DNM1: variants seen among roughly 807,000 people sequenced by gnomAD.
DNM1 encodes the protein dynamin 1.
DNM1 carries 29 observed loss-of-function variants against 104.6 expected under a neutral mutation model. That is an observed-to-expected ratio of 0.28 (90% CI 0.21 to 0.38). DNM1 has a LOEUF of 0.38. DNM1 is among the 10% of genes least tolerant of loss of function. The pLI is 1.00. For synonymous variants in DNM1, 445 were observed against 475.8 expected (o/e 0.94, Z 0.84); for missense variants, 640 against 1,189.4 (o/e 0.54, Z 6.79).
At chr9:128,214,937 TAGGGGACCCTTAAACAG>T (rs1290254688) in intron 1 of DNM1, among the ~76,000 whole-genome samples, 1 of 152,178 alleles carries the variant, frequency 6.6e-6, no homozygotes, top group East Asian at 1.9e-4. Flanking sequence ...GAGGGCCACC[TAGGGGACCCTTAAACAG>T]AGGGCTAAAG....
rs1284219386 is a variant in DNM1 at position 128,245,713 on chromosome 9, ACACACATCCACAAAGTGTG to A, written c.1672-668_1672-650del. ...AAACATGTAGGCTCGCACAATTGCC[ACACACATCCACAAAGTGTG>A]CACACATCCACACTGAGATGCAGAC... is the stretch of plus-strand genomic sequence containing the variant. On this transcript the variant is annotated intron_variant, in intron 15 of 21. Transcript: ENST00000372923. This position sits in a 1 kb window ranked among gnomAD's most constrained non-coding sequence, Gnocchi z 5.2. Among the ~76,000 whole-genome samples, 1 of 152,216 alleles carries A rather than the reference ACACACATCCACAAAGTGTG, an allele frequency of 6.6e-6. No individual in the cohort carries two copies. Among genetic ancestry groups the A allele is most frequent in the Non-Finnish European group, 1.5e-5 (1 of 68,024 alleles).
chr9:128,245,987 C>T lies in DNM1; in HGVS notation c.1672-407C>T, dbSNP rs182909156. Reference sequence around the variant, plus strand: ...GGCTGAGCCGGCCCTTTGAAGCCGCCGGGTCTGGTGGCCCCCCTTCCTGGT... The same window carrying T: ...GGCTGAGCCGGCCCTTTGAAGCCGCTGGGTCTGGTGGCCCCCCTTCCTGGT... On this transcript the variant is annotated intron_variant, in intron 15 of 21. Coordinates refer to ENST00000372923, the MANE Select transcript of DNM1 (RefSeq NM_004408.4). The surrounding 1 kb of genome is among the most constrained non-coding windows in gnomAD (Gnocchi z 5.2). Among the ~76,000 whole-genome samples, 3 of 152,342 alleles carry T rather than the reference C, an allele frequency of 2.0e-5. No individual in the cohort carries two copies. The highest frequency in any genetic ancestry group is 1.9e-4 in the East Asian group (1 of 5,192).
In DNM1 at chr9:128,245,940, A is replaced by C. The variant is rs1224597472; in HGVS notation, c.1672-454A>C. 6.6e-6 allele frequency among the ~76,000 whole-genome samples: 1 copy of C among 152,232 alleles called. No homozygotes were observed. Among genetic ancestry groups the C allele is most frequent in the African/African-American group, 2.4e-5 (1 of 41,458 alleles). On this transcript the variant is annotated intron_variant, in intron 15 of 21. Transcript: ENST00000372923. The surrounding 1 kb of genome is among the most constrained non-coding windows in gnomAD (Gnocchi z 5.2). ...TTGTGCTGGCTGCCTTATTGCTAAC[A>C]CATGGGGAGCTCGGGGGAGTGGGCT... is the stretch of plus-strand genomic sequence containing the variant.
In DNM1 at chr9:128,218,045, G is replaced by C. The variant is rs948956477; in HGVS notation, c.162-186G>C. ...AAATTCTGTGACCCAGGCGACTTGA[G>C]GAAAAGTATTTTCCACCTTTCTGGG... On this transcript the variant is annotated intron_variant, in intron 1 of 21. Coordinates refer to ENST00000372923, the MANE Select transcript of DNM1 (RefSeq NM_004408.4). This position sits in a 1 kb window ranked among gnomAD's most constrained non-coding sequence, Gnocchi z 4.8. Among the ~76,000 whole-genome samples, 3 of 152,202 alleles carry C rather than the reference G, an allele frequency of 2.0e-5. No individual in the cohort carries two copies. Among genetic ancestry groups the C allele is most frequent in the African/African-American group, 7.2e-5 (3 of 41,448 alleles).
intron 1 of DNM1, among the ~76,000 whole-genome samples, chr9:128,209,703 G>A (rs958642759): frequency 1.3e-5 from 2 of 152,182 alleles, no homozygotes; most frequent in African/African-American, 2.4e-5. Flanking sequence ...TCCCTCCAGG[G>A]TTCACTTGTG....
Position 128,218,578 on chromosome 9 carries a change from G to A in DNM1, c.236-4G>A, listed in dbSNP as rs1434468116. 1 of 1,607,416 alleles carries A rather than the reference G, an allele frequency of 6.2e-7. No individual in the cohort carries two copies. Among genetic ancestry groups the A allele is most frequent in the Non-Finnish European group, 8.5e-7 (1 of 1,175,146 alleles). On this transcript the variant is annotated splice_polypyrimidine_tract_variant and splice_region_variant and intron_variant, in intron 2 of 21. Coordinates refer to ENST00000372923, the MANE Select transcript of DNM1 (RefSeq NM_004408.4). This position sits in a 1 kb window ranked among gnomAD's most constrained non-coding sequence, Gnocchi z 4.8. The stretch of plus-strand genomic sequence containing the variant: ...TGCCCTTCCCCTGCCCGCTTCTGGA[G>A]CAGAATATGCCGAGTTCCTGCACTG...
intron 1 of DNM1, among the ~76,000 whole-genome samples, chr9:128,210,390 C>G (rs1404000760): frequency 3.9e-5 from 4 of 103,402 alleles, no homozygotes; most frequent in Non-Finnish European, 2.2e-5. Flanking sequence ...GAAACAGGGT[C>G]TTGCTCGGTC....
Position 128,222,890 on chromosome 9 carries a change from A to C in DNM1, c.1196+30A>C. ...GTATTGGGGCCTGGGAGGGTGGCTG[A>C]ACCCCAGAAGTAGGGGGTCTGGGAC... On this transcript the variant is annotated intron_variant, in intron 9 of 21. Coordinates refer to ENST00000372923, the MANE Select transcript of DNM1 (RefSeq NM_004408.4). This position sits in a 1 kb window ranked among gnomAD's most constrained non-coding sequence, Gnocchi z 7.8. 1 of 1,610,034 alleles carries C rather than the reference A, an allele frequency of 6.2e-7. No individual in the cohort carries two copies.
At chr9:128,229,862 A>G (rs1303459395) in intron 10 of DNM1, among the ~76,000 whole-genome samples, 1 of 152,024 alleles carries the variant, frequency 6.6e-6, no homozygotes, top group African/African-American at 2.4e-5. Flanking sequence ...GCAGTGAGCC[A>G]AGATCACGCC....
Position 128,220,872 on chromosome 9 carries a change from TTTTC to T in DNM1, c.849+535_849+538del, listed in dbSNP as rs1480944158. The stretch of plus-strand genomic sequence containing the variant: ...CTGGCTCTCTGAGCCTCTATTTCTT[TTTTC>T]TTTATTTGTTTTCTTTCTTTCTTTC... On this transcript the variant is annotated intron_variant, in intron 6 of 21. Coordinates refer to ENST00000372923, the MANE Select transcript of DNM1 (RefSeq NM_004408.4). The surrounding 1 kb of genome is among the most constrained non-coding windows in gnomAD (Gnocchi z 5.2). Among the ~76,000 whole-genome samples the T allele has an allele frequency of 1.9e-4, 27 of 143,956 alleles. No individual in the cohort carries two copies. The highest frequency in any genetic ancestry group is 3.2e-4 in the Non-Finnish European group (21 of 64,950). 94.4% of individuals were successfully genotyped at this position (143,956 alleles called of 152,430 possible).
chr9:128,219,972 C>T lies in DNM1; in HGVS notation c.590-16C>T, dbSNP rs1274404862. 6.5e-7 allele frequency: 1 copy of T among 1,545,752 alleles called. No individual in the cohort carries two copies. Among genetic ancestry groups the T allele is most frequent in the Non-Finnish European group, 8.8e-7 (1 of 1,140,732 alleles). On this transcript the variant is annotated splice_polypyrimidine_tract_variant and intron_variant, in intron 4 of 21. Coordinates refer to ENST00000372923, the MANE Select transcript of DNM1 (RefSeq NM_004408.4). The stretch of plus-strand genomic sequence containing the variant: ...GCGGGTGCAGCTGTAGACGGCCCTC[C>T]TGCTGGTGCACCCAGGCCAGCGCAC...
chr9:128,254,626 TTC>T lies in DNM1; in HGVS notation c.2535-22_2535-21del. ...TCTCTCCTCGCTTTTCTCTCCCGTT[TTC>T]TCTCTGCTTTCTCTCCAACTGCCAG... On this transcript the variant is annotated intron_variant, in intron 21 of 21. Coordinates refer to ENST00000372923, the MANE Select transcript of DNM1 (RefSeq NM_004408.4). This position sits in a 1 kb window ranked among gnomAD's most constrained non-coding sequence, Gnocchi z 6.1. 2 of 1,596,086 alleles carry T rather than the reference TTC, an allele frequency of 1.3e-6. No individual in the cohort carries two copies. The highest frequency in any genetic ancestry group is 1.3e-5 in the African/African-American group (1 of 74,944).
rs1829692339 is a variant in DNM1, at chr9:128,253,961, C to A, written c.2535-693C>A. 8.1e-7 allele frequency: 1 copy of A among 1,233,444 alleles called. No individual in the cohort carries two copies. Among genetic ancestry groups the A allele is most frequent in the Admixed American group, 4.2e-5 (1 of 23,714 alleles). The allele number at this position is 1,233,444 out of a possible 1,614,324, so 76.4% of individuals were successfully genotyped here. A position where few individuals can be genotyped will look rare whatever the true frequency, so the allele number is the denominator to read the frequency against. On this transcript the variant is annotated intron_variant, in intron 21 of 21. Coordinates refer to ENST00000372923, the MANE Select transcript of DNM1 (RefSeq NM_004408.4). The surrounding 1 kb of genome is among the most constrained non-coding windows in gnomAD (Gnocchi z 5.9). Reference sequence around the variant, plus strand: ...GCTGAGCTCCGCCCAGTGAGCCCACCCCCCATTCTCCTGCCACTGACTCTC... The same window carrying A: ...GCTGAGCTCCGCCCAGTGAGCCCACACCCCATTCTCCTGCCACTGACTCTC...
rs1275483668 is a variant in DNM1, at chr9:128,251,032, G to A, written c.2534+92G>A. 10 of 841,182 alleles carry A rather than the reference G, an allele frequency of 1.2e-5. No homozygotes were observed. The Admixed American group carries it at 1.4e-4, about 11-fold the overall frequency. The allele number at this position is 841,182 out of a possible 1,614,324, so 52.1% of individuals were successfully genotyped here. On this transcript the variant is annotated intron_variant, in intron 21 of 21. Transcript: ENST00000372923. Reference sequence around the variant, plus strand: ...GGATTCCAGAGCATCGGACCTGGCCGCCAGAACCGGCCGTTTCTATCCCAG... The same window carrying A: ...GGATTCCAGAGCATCGGACCTGGCCACCAGAACCGGCCGTTTCTATCCCAG...
At chr9:128,246,348 G>A in intron 15 of DNM1, 46 bp from the exon 16 acceptor site, 1 of 1,331,562 alleles carries the variant, frequency 7.5e-7, no homozygotes, top group Non-Finnish European at 1.1e-6. Context: ...AGGTGTGGCA[G>A]AGAACAGTGC....
Position 128,224,749 on chromosome 9 carries a change from G to A in DNM1, c.1335+360G>A, listed in dbSNP as rs1835243074. Among the ~76,000 whole-genome samples, 1 of 152,144 alleles carries A rather than the reference G, an allele frequency of 6.6e-6. No individual in the cohort carries two copies. The highest frequency in any genetic ancestry group is 2.1e-4 in the South Asian group (1 of 4,826). ...TTTGGGAGCTCCAGGGAGGGGTCTG[G>A]GGAAACCTTAGCCTTGGAGACAGGT... On this transcript the variant is annotated intron_variant, in intron 10 of 21. Coordinates refer to ENST00000372923, the MANE Select transcript of DNM1 (RefSeq NM_004408.4). This position sits in a 1 kb window ranked among gnomAD's most constrained non-coding sequence, Gnocchi z 4.3.
Position 128,220,415 on chromosome 9 carries a change from T to C in DNM1, c.849+74T>C. 1 of 1,567,416 alleles carries C rather than the reference T, an allele frequency of 6.4e-7. No homozygotes were observed. The highest frequency in any genetic ancestry group is 8.7e-7 in the Non-Finnish European group (1 of 1,153,408). On this transcript the variant is annotated intron_variant, in intron 6 of 21. Transcript: ENST00000372923. This position sits in a 1 kb window ranked among gnomAD's most constrained non-coding sequence, Gnocchi z 5.2. The stretch of plus-strand genomic sequence containing the variant: ...GGATAAATTAAGTGTGTTCTGAGAG[T>C]GAACAGCAGAGGTTAGCCTCTCCGT...
chr9:128,247,548 C>T lies in DNM1; in HGVS notation c.1893+62C>T. On this transcript the variant is annotated intron_variant, in intron 17 of 21. Coordinates refer to ENST00000372923, the MANE Select transcript of DNM1 (RefSeq NM_004408.4). This position sits in a 1 kb window ranked among gnomAD's most constrained non-coding sequence, Gnocchi z 5.1. ...ATCCTAGGGCCCCTGGGGCACCATC[C>T]TCAGTGATGCCAAGTCATGCCATGT... The T allele has an allele frequency of 1.6e-6, 2 of 1,276,382 alleles. No individual in the cohort carries two copies. The highest frequency in any genetic ancestry group is 2.2e-6 in the Non-Finnish European group (2 of 890,288). The allele number at this position is 1,276,382 out of a possible 1,614,324, so 79.1% of individuals were successfully genotyped here. A position where few individuals can be genotyped will look rare whatever the true frequency, so the allele number is the denominator to read the frequency against.
In DNM1 at chr9:128,248,865, G is replaced by A; in HGVS notation, c.2076+112G>A. 2 of 1,223,502 alleles carry A rather than the reference G, an allele frequency of 1.6e-6. No individual in the cohort carries two copies. The highest frequency in any genetic ancestry group is 1.2e-6 in the Non-Finnish European group (1 of 850,620). The allele number at this position is 1,223,502 out of a possible 1,614,324, so 75.8% of individuals were successfully genotyped here. A position where few individuals can be genotyped will look rare whatever the true frequency, so the allele number is the denominator to read the frequency against. Reference sequence around the variant, plus strand: ...GCCCTATGGGACCAGGTCCAGGGAGGGAGGCACGGTCCAGACCAGAGCTGT... The same window carrying A: ...GCCCTATGGGACCAGGTCCAGGGAGAGAGGCACGGTCCAGACCAGAGCTGT... On this transcript the variant is annotated intron_variant, in intron 19 of 21. Coordinates refer to ENST00000372923, the MANE Select transcript of DNM1 (RefSeq NM_004408.4). This position sits in a 1 kb window ranked among gnomAD's most constrained non-coding sequence, Gnocchi z 5.6.
Sources: gnomAD v4.1 joint callset for allele counts (sites outside exome capture counted in the v4.1 genomes callset) on GRCh38, gnomAD v4.1.1 for gene constraint, Gnocchi (gnomAD v3.1) non-coding constraint, MANE v1.5 for transcripts, NCBI Gene and HGNC (gene_info 2026-07-23, HGNC 2026-07-21) for gene names.